HLCS: variants seen among roughly 807,000 people sequenced by gnomAD.
HLCS encodes holocarboxylase synthetase.
HLCS carries 53 observed loss-of-function variants against 75.0 expected under a neutral mutation model. The ratio of observed to expected loss-of-function variants is 0.71; its 90% confidence interval spans 0.57 to 0.89. The LOEUF (loss-of-function observed/expected upper bound fraction) is 0.89. Ranked by LOEUF, HLCS falls within the 40% of genes least tolerant of loss-of-function variation. HLCS has a pLI of 0.00. For synonymous variants in HLCS, 431 were observed against 428.6 expected, an observed-to-expected ratio of 1.01 and a Z score of -0.07; for missense variants, 966 against 1,074.0, an observed-to-expected ratio of 0.90 and a Z score of 1.41.
At chr21:36,913,901 T>C (rs1202932489) in intron 5 of HLCS, among the ~76,000 whole-genome samples, 1 of 152,152 alleles carries the variant, frequency 6.6e-6, no homozygotes, top group Non-Finnish European at 1.5e-5. Flanking sequence ...CTCACCCCTA[T>C]CTGGTTTCTG....
intron 5 of HLCS, among the ~76,000 whole-genome samples, chr21:36,916,583 C>T (rs2065944029): frequency 6.8e-6 from 1 of 146,110 alleles, no homozygotes; most frequent in Non-Finnish European, 1.5e-5. Context: ...TGTTGCCCAA[C>T]CTGGTCTTCA....
At position 36,897,054 on chromosome 21, in the gene HLCS, A is replaced by C. The variant is rs2146335962; in HGVS notation, c.1698T>G (p.Ser566=). Residue 566 remains serine, a synonymous_variant, in exon 6 of 11, where the codon TCT becomes TCG. Coordinates refer to ENST00000674895, the MANE Select transcript of HLCS (RefSeq NM_001352514.2). The stretch of plus-strand genomic sequence containing the variant: ...ACACGTAGGATGAAACAAATCTAAG[A>C]GAGAGCTGGCCGGATTTTATTTCTC... ...SEGEIKSGQL[S]LRFVSSYVSE... 6.2e-7 allele frequency: 1 copy of C among 1,614,160 alleles called. No homozygotes were observed. Among genetic ancestry groups the C allele is most frequent in the Non-Finnish European group, 8.5e-7 (1 of 1,180,002 alleles).
chr21:36,874,416 A>T (rs1257544974), intron 6 of HLCS, among the ~76,000 whole-genome samples: 20 of 151,164 alleles, frequency 1.3e-4, no homozygotes, highest in South Asian at 1.2e-3. Context: ...AAATAAAATA[A>T]AATAAAATAA....
chr21:36,796,022 T>G (rs1336685030), intron 6 of HLCS, among the ~76,000 whole-genome samples: 1 of 152,210 alleles, frequency 6.6e-6, no homozygotes, highest in Non-Finnish European at 1.5e-5. Context: ...CACCTGGGAC[T>G]CAAAATAGTT....
At chr21:36,833,234 C>T (rs1279519965) in intron 6 of HLCS, among the ~76,000 whole-genome samples, 1 of 151,086 alleles carries the variant, frequency 6.6e-6, no homozygotes, top group Non-Finnish European at 1.5e-5. Context: ...CACTTTGTTG[C>T]CCAGGCTGGT....
At chr21:36,810,506 G>A (rs983232451) in intron 6 of HLCS, among the ~76,000 whole-genome samples, 1 of 152,194 alleles carries the variant, frequency 6.6e-6, no homozygotes, top group Non-Finnish European at 1.5e-5. Flanking sequence ...CAAGAGTGCA[G>A]CTCAAGACCC....
Position 36,966,612 on chromosome 21 carries a change from G to C in HLCS, c.27C>G (p.Tyr9Ter). Residue 9 changes from tyrosine (Y) to a stop codon, truncating the protein, a stop_gained, in exon 1 of 11, where the codon TAC becomes TAG. Transcript: ENST00000674895. LOFTEE classifies it high-confidence loss of function. ...GCCGGCGACCCCAGCGCGCCCACAG[G>C]TACAGGTAGCACAGCGTGATGAGCA... is the stretch of plus-strand genomic sequence containing the variant. MLITLCYL[Y>*]LWARWGRRPA... is the part of the protein sequence containing the mutation. 1.0e-6 allele frequency: 1 copy of C among 991,172 alleles called. No individual in the cohort carries two copies. Among genetic ancestry groups the C allele is most frequent in the Non-Finnish European group, 1.2e-6 (1 of 835,680 alleles). The allele number at this position is 991,172 out of a possible 1,614,324, so 61.4% of individuals were successfully genotyped here. A position where few individuals can be genotyped will look rare whatever the true frequency, so the allele number is the denominator to read the frequency against.
intron 10 of HLCS, 106 bp from the exon 11 acceptor site, chr21:36,754,523 AG>A: frequency 2.5e-6 from 3 of 1,221,990 alleles, no homozygotes; most frequent in Non-Finnish European, 3.5e-6. Context: ...TGCTGGGGAG[AG>A]GGCTGAGGCT....
chr21:36,969,067 T>C (rs1217302069), upstream of HLCS, among the ~76,000 whole-genome samples: 1 of 152,194 alleles, frequency 6.6e-6, no homozygotes, highest in Non-Finnish European at 1.5e-5. Context: ...GAGCTGACCC[T>C]TGCATTGAAG....
At chr21:36,960,435 C>A (rs2068230724) in intron 2 of HLCS, among the ~76,000 whole-genome samples, 1 of 152,152 alleles carries the variant, frequency 6.6e-6, no homozygotes, top group African/African-American at 2.4e-5. Flanking sequence ...GTCTACAGGG[C>A]TAAACGAAAC....
upstream of HLCS, among the ~76,000 whole-genome samples, chr21:36,968,048 T>C (rs35634082): frequency 0.42 from 62,213 of 148,312 alleles, 13,465 homozygotes; most frequent in South Asian, 0.54. Flanking sequence ...GAGACAAGGT[T>C]TCGTTCTGTC....
chr21:36,769,846 C>T (rs2090170207), intron 6 of HLCS, among the ~76,000 whole-genome samples: 1 of 152,140 alleles, frequency 6.6e-6, no homozygotes, highest in Admixed American at 6.5e-5. Flanking sequence ...CTAAGACAGG[C>T]CAGCATGAAT....
chr21:36,759,584 T>G, intron 9 of HLCS, 143 bp downstream of exon 9: 1 of 670,852 alleles, frequency 1.5e-6, no homozygotes, highest in Non-Finnish European at 2.7e-6. Context: ...TCTCTCTGCA[T>G]CTATACCCTG....
intron 5 of HLCS, among the ~76,000 whole-genome samples, chr21:36,905,071 G>A (rs757812200): frequency 6.6e-6 from 1 of 152,176 alleles, no homozygotes; most frequent in African/African-American, 2.4e-5. Context: ...TAAACCCTTA[G>A]TTACTTTATA....
rs73904770 is a variant in HLCS at position 36,937,472 on chromosome 21, T to C, written c.494-80A>G. On this transcript the variant is annotated intron_variant, in intron 3 of 10. Coordinates refer to ENST00000674895, the MANE Select transcript of HLCS (RefSeq NM_001352514.2). The stretch of plus-strand genomic sequence containing the variant: ...CACATAGCTCATCTCAAGAATCTCA[T>C]CACCCTCTCTGCATTCTGGGACTTA... 19,158 of 1,219,942 alleles carry C rather than the reference T, an allele frequency of 0.016. 555 individuals carry two copies. Among genetic ancestry groups the C allele is most frequent in the African/African-American group, 0.11 (7,210 of 67,172 alleles). 75.6% of individuals were successfully genotyped at this position (1,219,942 alleles called of 1,614,324 possible).
intron 6 of HLCS, among the ~76,000 whole-genome samples, chr21:36,887,408 T>C (rs1246099053): frequency 6.6e-6 from 1 of 152,210 alleles, no homozygotes; most frequent in East Asian, 1.9e-4. Context: ...AAAATAACTC[T>C]ACCATACTTG....
chr21:36,860,125 AC>A (rs1322201385), intron 6 of HLCS, among the ~76,000 whole-genome samples: 2 of 152,216 alleles, frequency 1.3e-5, no homozygotes, highest in African/African-American at 4.8e-5. Flanking sequence ...GGGAGGGGTT[AC>A]TTTTAATTGA....
intron 6 of HLCS, among the ~76,000 whole-genome samples, chr21:36,777,566 GCTT>G (rs2060398504): frequency 6.6e-6 from 1 of 152,220 alleles, no homozygotes; most frequent in South Asian, 2.1e-4. Context: ...AGCTGTCACG[GCTT>G]CTTCGTCTCC....
At chr21:36,888,494 A>ATATTTATT (rs1164790773) in intron 6 of HLCS, among the ~76,000 whole-genome samples, 64 of 92,990 alleles carry the variant, frequency 6.9e-4, no homozygotes, top group African/African-American at 1.1e-3. Context: ...ATATATATAT[A>ATATTTATT]TATTTATTTA....
Sources: allele counts gnomAD v4.1 joint callset (sites outside exome capture counted in the v4.1 genomes callset), GRCh38; gene constraint gnomAD v4.1.1; transcripts MANE v1.5; gene names NCBI Gene and HGNC (gene_info 2026-07-23, HGNC 2026-07-21).